The following EXOC6B variants were observed in gnomAD, a reference collection of about 807,000 sequenced individuals.
The protein encoded by EXOC6B is exocyst complex component 6B.
Under a neutral mutation model 113.5 loss-of-function variants are expected in EXOC6B, and 54 were observed. The observed-to-expected ratio is 0.48, with a 90% CI of 0.38 to 0.60. The LOEUF (loss-of-function observed/expected upper bound fraction) is 0.60, where lower values mean the gene tolerates loss of function less well. Ranked by LOEUF, EXOC6B falls within the 20% of genes least tolerant of loss-of-function variation. The probability of loss-of-function intolerance (pLI) is 0.00; values close to 1 mark genes in which losing one functional copy is unlikely to be tolerated. For synonymous variants in EXOC6B, 357 were observed against 339.0 expected (o/e 1.05, Z -0.58); for missense variants, 797 against 977.5 (o/e 0.82, Z 2.46).
intron 20 of EXOC6B, among the ~76,000 whole-genome samples, chr2:72,278,763 C>T (rs1348950332): frequency 6.6e-6 from 1 of 152,012 alleles, no homozygotes; most frequent in African/African-American, 2.4e-5. Flanking sequence ...TAGTACTGTT[C>T]CTAGTGCATA....
intron 17 of EXOC6B, among the ~76,000 whole-genome samples, chr2:72,480,189 G>A (rs760122197): frequency 6.9e-6 from 1 of 145,246 alleles, no homozygotes; most frequent in Non-Finnish European, 1.5e-5. Context: ...GGGCAATAGA[G>A]CAAGATTTGA....
intron 6 of EXOC6B, among the ~76,000 whole-genome samples, chr2:72,603,270 A>C (rs1670539320): frequency 6.6e-6 from 1 of 152,086 alleles, no homozygotes; most frequent in South Asian, 2.1e-4. Context: ...CAGGGAGACA[A>C]GGTGGAATAG....
Position 72,551,157 on chromosome 2 carries a change from A to G in EXOC6B, c.915+8296T>C, listed in dbSNP as rs560675778. 6.6e-5 allele frequency among the ~76,000 whole-genome samples: 10 copies of G among 152,124 alleles called. No homozygotes were observed. The South Asian group carries it at 2.1e-3, about 32-fold the overall frequency. ...AAATGTGTGATTAAATTATTTCAAT[A>G]CTCATGAGTCACCACTGGAGTTCAC... On this transcript the variant is annotated intron_variant, in intron 8 of 21. Coordinates refer to ENST00000272427, the MANE Select transcript of EXOC6B (RefSeq NM_015189.3).
intron 20 of EXOC6B, among the ~76,000 whole-genome samples, chr2:72,262,826 A>G (rs1683821465): frequency 6.6e-6 from 1 of 152,230 alleles, no homozygotes; most frequent in African/African-American, 2.4e-5. Flanking sequence ...CTGCAAATCA[A>G]TAAGACAAAA....
chr2:72,651,811 G>A (rs1044780274), intron 6 of EXOC6B, among the ~76,000 whole-genome samples: 4 of 152,026 alleles, frequency 2.6e-5, no homozygotes, highest in Non-Finnish European at 4.4e-5. Context: ...TATCCAGGGT[G>A]GTCTCATTAT....
intron 18 of EXOC6B, chr2:72,461,417 C>G (rs1028855918): frequency 6.7e-6 from 1 of 149,312 alleles, no homozygotes; most frequent in Non-Finnish European, 1.5e-5. Flanking sequence ...TTGCACTGTA[C>G]ATAATATAGA....
intron 6 of EXOC6B, among the ~76,000 whole-genome samples, chr2:72,653,356 T>C (rs1674335860): frequency 8.1e-6 from 1 of 123,188 alleles, no homozygotes; most frequent in South Asian, 2.7e-4. Context: ...AATTGAACAA[T>C]GAGAACACAT....
Position 72,718,148 on chromosome 2 carries a change from G to A in EXOC6B, c.624C>T (p.Ser208=). 6.2e-7 allele frequency: 1 copy of A among 1,613,522 alleles called. No individual in the cohort carries two copies. Among genetic ancestry groups the A allele is most frequent in the Non-Finnish European group, 8.5e-7 (1 of 1,179,634 alleles). The change falls in exon 6 of 22, where the codon AGC becomes AGT. Residue 208 remains serine, a synonymous_variant. Coordinates refer to ENST00000272427, the MANE Select transcript of EXOC6B (RefSeq NM_015189.3). ...CAATTTTGTCTGAATGTTTGCGGATGCTCTCCAGAAAGTCTTTGAGATCGG... is the reference window on the plus strand; with the variant it reads ...CAATTTTGTCTGAATGTTTGCGGATACTCTCCAGAAAGTCTTTGAGATCGG... ...SMSDLKDFLE[S]IRKHSDKIGE...
chr2:72,610,960 G>T (rs1396631082), intron 6 of EXOC6B, among the ~76,000 whole-genome samples: 2 of 152,090 alleles, frequency 1.3e-5, no homozygotes, highest in African/African-American at 2.4e-5. Flanking sequence ...ATGATTAAAA[G>T]GGCACTTCAT....
At chr2:72,598,044 C>T (rs1240655550) in intron 6 of EXOC6B, among the ~76,000 whole-genome samples, 1 of 151,882 alleles carries the variant, frequency 6.6e-6, no homozygotes, top group Admixed American at 6.6e-5. Flanking sequence ...ATCCAGCAGG[C>T]AGAAAAGCAG....
chr2:72,660,089 T>A (rs994572352), intron 6 of EXOC6B, among the ~76,000 whole-genome samples: 3 of 138,012 alleles, frequency 2.2e-5, no homozygotes, highest in African/African-American at 8.8e-5. Flanking sequence ...ATCAATCCTC[T>A]TTTTTTTTTT....
chr2:72,650,790 T>C (rs1674110266), intron 6 of EXOC6B, among the ~76,000 whole-genome samples: 1 of 151,542 alleles, frequency 6.6e-6, no homozygotes, highest in Non-Finnish European at 1.5e-5. Context: ...AATCAAATAC[T>C]TCAGGGAATG....
rs563292084 is a variant in EXOC6B at position 72,315,676 on chromosome 2, T to C, written c.2196+19271A>G. 2.6e-5 allele frequency among the ~76,000 whole-genome samples: 4 copies of C among 152,182 alleles called. No homozygotes were observed. In the East Asian group the frequency reaches 7.7e-4, roughly 29 times the overall value. On this transcript the variant is annotated intron_variant, in intron 20 of 21. Transcript: ENST00000272427. ...ATTTGCTGACAGATTGGACGTGTGA[T>C]GTGCGAGAAAAAAGAGTCAAGGATG... is the stretch of plus-strand genomic sequence containing the variant.
At chr2:72,517,474 A>T (rs146652432) in intron 8 of EXOC6B, among the ~76,000 whole-genome samples, 104 of 152,246 alleles carry the variant, frequency 6.8e-4, no homozygotes, top group African/African-American at 2.4e-3. Flanking sequence ...ATGAAATCGA[A>T]CACTAGGACA....
intron 6 of EXOC6B, among the ~76,000 whole-genome samples, chr2:72,631,422 GTGTGTA>G (rs1672390917): frequency 1.4e-4 from 1 of 7,042 alleles, no homozygotes; most frequent in Admixed American, 3.0e-3. Context: ...GTGTGTGTGT[GTGTGTA>G]TATATATATA....
intron 19 of EXOC6B, among the ~76,000 whole-genome samples, chr2:72,370,815 G>C (rs1690956896): frequency 6.7e-6 from 1 of 148,220 alleles, no homozygotes; most frequent in Non-Finnish European, 1.5e-5. Flanking sequence ...TGAACAGTGA[G>C]AACACTTGGA....
intron 20 of EXOC6B, among the ~76,000 whole-genome samples, chr2:72,285,302 A>C (rs946597541): frequency 3.9e-5 from 6 of 152,134 alleles, no homozygotes. Context: ...CAGAAAGCAC[A>C]GAAACAGACC....
intron 1 of EXOC6B, among the ~76,000 whole-genome samples, chr2:72,810,731 T>C (rs1022802676): frequency 1.3e-5 from 2 of 151,692 alleles, no homozygotes; most frequent in African/African-American, 4.8e-5. Context: ...AATACCAATA[T>C]AAAGAATGAA....
At chr2:72,375,071 G>C (rs1691273564) in intron 19 of EXOC6B, among the ~76,000 whole-genome samples, 1 of 151,706 alleles carries the variant, frequency 6.6e-6, no homozygotes, top group South Asian at 2.1e-4. Context: ...CATATTACTA[G>C]GGATAAAGAG....
Sources: allele counts gnomAD v4.1 joint callset (sites outside exome capture counted in the v4.1 genomes callset), GRCh38; gene constraint gnomAD v4.1.1; transcripts MANE v1.5; gene names NCBI Gene and HGNC (gene_info 2026-07-23, HGNC 2026-07-21).